MAP4: variants seen among roughly 807,000 people sequenced by gnomAD.
MAP4 encodes microtubule-associated protein 4.
MAP4 carries 76 observed loss-of-function variants against 170.2 expected under a neutral mutation model. The ratio of observed to expected loss-of-function variants is 0.45; its 90% CI spans 0.37 to 0.54. The LOEUF (loss-of-function observed/expected upper bound fraction) is 0.54, where lower values mean the gene tolerates loss of function less well. MAP4 is among the 20% of genes least tolerant of loss of function. MAP4 has a pLI of 0.00. For missense variants in MAP4, 2,506 were observed against 2,748.0 expected (o/e 0.91, Z 1.97); for synonymous variants, 909 against 994.5 (o/e 0.91, Z 1.62).
At chr3:47,935,734 C>T (rs1175136892) in intron 3 of MAP4, among the ~76,000 whole-genome samples, 2 of 150,954 alleles carry the variant, frequency 1.3e-5, no homozygotes, top group Non-Finnish European at 3.0e-5. Flanking sequence ...GTCAGGAGTT[C>T]GAGACCAGCC....
intron 1 of MAP4, among the ~76,000 whole-genome samples, chr3:48,081,570 CA>C (rs986547284): frequency 2.9e-4 from 44 of 151,984 alleles, no homozygotes; most frequent in African/African-American, 1.0e-3. Flanking sequence ...TTCATTAAAT[CA>C]GCCAAATTTC....
At chr3:48,050,544 T>C (rs1388798569) in intron 1 of MAP4, among the ~76,000 whole-genome samples, 1 of 151,962 alleles carries the variant, frequency 6.6e-6, no homozygotes, top group Non-Finnish European at 1.5e-5. Context: ...AGATTCGGTT[T>C]TCATTTAATA....
chr3:48,079,948 T>C (rs2100145779), intron 1 of MAP4, among the ~76,000 whole-genome samples: 1 of 136,436 alleles, frequency 7.3e-6, no homozygotes, highest in Non-Finnish European at 1.5e-5. Flanking sequence ...AGACTCCGTC[T>C]CAAAAAAAAA....
chr3:47,862,482 C>CT (rs1211702254), intron 17 of MAP4, among the ~76,000 whole-genome samples: 102 of 142,906 alleles, frequency 7.1e-4, no homozygotes, highest in South Asian at 2.5e-3. Flanking sequence ...CAATTTTTTC[C>CT]TTTTTTTTTT....
At chr3:47,865,225 T>A (rs1445191070) in intron 17 of MAP4, among the ~76,000 whole-genome samples, 1 of 152,174 alleles carries the variant, frequency 6.6e-6, no homozygotes, top group Non-Finnish European at 1.5e-5. Flanking sequence ...TCAGAGCTCT[T>A]ATATGCACCA....
chr3:48,002,975 A>AAATG (rs1251140648), intron 1 of MAP4, among the ~76,000 whole-genome samples: 1 of 150,258 alleles, frequency 6.7e-6, no homozygotes, highest in African/African-American at 2.5e-5. Flanking sequence ...ATAAATAAAT[A>AAATG]AATAAATAAA....
intron 10 of MAP4, among the ~76,000 whole-genome samples, chr3:47,887,503 C>T (rs1179708570): frequency 5.3e-5 from 8 of 152,254 alleles, no homozygotes; most frequent in African/African-American, 1.2e-4. Context: ...TCCATGGGCT[C>T]CTGTGCCGCC....
At chr3:47,924,802 A>T (rs1189390374) in intron 4 of MAP4, among the ~76,000 whole-genome samples, 1 of 146,546 alleles carries the variant, frequency 6.8e-6, no homozygotes, top group Non-Finnish European at 1.5e-5. Context: ...AGTGATCAAG[A>T]TGGAAGCTAC....
chr3:48,052,564 C>A (rs989427896), intron 1 of MAP4, among the ~76,000 whole-genome samples: 3 of 152,108 alleles, frequency 2.0e-5, no homozygotes, highest in Non-Finnish European at 4.4e-5. Context: ...GTAATGGATG[C>A]ACAACTGTGA....
chr3:47,936,800 G>C (rs1029966336), intron 3 of MAP4, among the ~76,000 whole-genome samples: 3 of 151,892 alleles, frequency 2.0e-5, no homozygotes, highest in African/African-American at 7.3e-5. Flanking sequence ...GGCCAACATG[G>C]AGAAACCCCG....
intron 1 of MAP4, among the ~76,000 whole-genome samples, chr3:48,007,278 T>C (rs1461545388): frequency 6.6e-6 from 1 of 152,200 alleles, no homozygotes; most frequent in Admixed American, 6.5e-5. Flanking sequence ...GTGGGACCTG[T>C]TGAGATATTC....
intron 1 of MAP4, among the ~76,000 whole-genome samples, chr3:48,044,589 C>T (rs1331599778): frequency 6.6e-6 from 1 of 151,918 alleles, no homozygotes; most frequent in Non-Finnish European, 1.5e-5. Context: ...ATGGCGAAAC[C>T]TCATGTCTAC....
chr3:48,034,006 C>G (rs896179200), intron 1 of MAP4, among the ~76,000 whole-genome samples: 1 of 152,232 alleles, frequency 6.6e-6, no homozygotes, highest in Non-Finnish European at 1.5e-5. Flanking sequence ...GCCCTCATAT[C>G]AAGTGTATCC....
chr3:47,983,528 A>G (rs2100086669), intron 2 of MAP4, among the ~76,000 whole-genome samples: 2 of 152,122 alleles, frequency 1.3e-5, no homozygotes, highest in Non-Finnish European at 1.5e-5. Flanking sequence ...CTGGGGCTAC[A>G]GGCATGTGCC....
intron 1 of MAP4, among the ~76,000 whole-genome samples, chr3:48,040,671 C>A (rs1258240933): frequency 6.6e-6 from 1 of 152,202 alleles, no homozygotes; most frequent in Non-Finnish European, 1.5e-5. Flanking sequence ...TCAAGCAATT[C>A]TCCTGCCTCA....
intron 10 of MAP4, among the ~76,000 whole-genome samples, chr3:47,878,536 C>A (rs545267355): frequency 3.9e-5 from 6 of 152,100 alleles, no homozygotes; most frequent in Non-Finnish European, 8.8e-5. Context: ...AAAAACCCCA[C>A]TGAAATGCCA....
chr3:47,914,964 C>G (rs752308231), intron 7 of MAP4, 25 bp from the exon 8 acceptor site: 4 of 1,613,818 alleles, frequency 2.5e-6, no homozygotes, highest in Non-Finnish European at 1.7e-6. Context: ...AAAAGCCACA[C>G]ACGTTTCAGA....
intron 9 of MAP4, among the ~76,000 whole-genome samples, chr3:47,905,462 C>T (rs1054417776): frequency 1.3e-5 from 2 of 150,746 alleles, no homozygotes; most frequent in African/African-American, 4.9e-5. Context: ...AGTGGGAGAT[C>T]GATTATAAAC....
chr3:47,924,357 G>GA (rs2100044627), intron 4 of MAP4, among the ~76,000 whole-genome samples: 1 of 152,128 alleles, frequency 6.6e-6, no homozygotes, highest in African/African-American at 2.4e-5. Flanking sequence ...GATGACACCT[G>GA]AATTTATAAT....
Sources: allele counts gnomAD v4.1 joint callset (sites outside exome capture counted in the v4.1 genomes callset), GRCh38; gene constraint gnomAD v4.1.1; transcripts MANE v1.5; gene names NCBI Gene and HGNC (gene_info 2026-07-23, HGNC 2026-07-21).